Variants in SLC13A4 observed in about 807,000 individuals in gnomAD.
The protein encoded by SLC13A4 is solute carrier family 13 member 4.
Under a neutral mutation model 72.7 loss-of-function variants are expected in SLC13A4, and 28 were observed. The ratio of observed to expected loss-of-function variants is 0.39; its 90% confidence interval spans 0.29 to 0.53. The LOEUF is 0.53. Among genes scored for constraint, SLC13A4 ranks in the 20% least tolerant of loss-of-function variants. The pLI, the probability that SLC13A4 is intolerant of heterozygous loss-of-function variation, is 0.78. For synonymous variants in SLC13A4, 312 were observed against 325.5 expected (o/e 0.96, Z 0.45); for missense variants, 653 against 788.0 (o/e 0.83, Z 2.05).
intron 2 of SLC13A4, among the ~76,000 whole-genome samples, chr7:135,718,626 C>T (rs1360066085): frequency 6.6e-6 from 1 of 151,968 alleles, no homozygotes; most frequent in African/African-American, 2.4e-5. Flanking sequence ...ACACTTTCAG[C>T]CTTTGGTCAT....
rs750052396 is a variant in SLC13A4 at position 135,684,136 on chromosome 7, C to T, written c.1734G>A (p.Gln578=). 1.2e-6 allele frequency: 2 copies of T among 1,605,764 alleles called. No individual in the cohort carries two copies. Among genetic ancestry groups the T allele is most frequent in the Non-Finnish European group, 1.7e-6 (2 of 1,174,366 alleles). Residue 578 remains glutamine, a synonymous_variant, in exon 15 of 16, where the codon CAG becomes CAA. Transcript: ENST00000682651. ...CACCCCAACTCACCATATCTTTGATCTGGCAGTGCCCATAGCTGAAGACGA... is the reference window on the plus strand; with the variant it reads ...CACCCCAACTCACCATATCTTTGATTTGGCAGTGCCCATAGCTGAAGACGA... ...NAIVFSYGHC[Q]IKDMVKAGLG...
intron 13 of SLC13A4, among the ~76,000 whole-genome samples, chr7:135,689,519 C>A (rs1250187845): frequency 6.6e-6 from 1 of 152,138 alleles, no homozygotes; most frequent in African/African-American, 2.4e-5. Context: ...AGACTGACCA[C>A]CCCATAGACT....
rs760598563 is a variant in SLC13A4, at chr7:135,706,115, C to T, written c.538+13G>A. The T allele has an allele frequency of 6.4e-7, 1 of 1,565,476 alleles. No individual in the cohort carries two copies. The highest frequency in any genetic ancestry group is 2.3e-5 in the East Asian group (1 of 44,082). On this transcript the variant is annotated intron_variant, in intron 4 of 15. Coordinates refer to ENST00000682651, the MANE Select transcript of SLC13A4 (RefSeq NM_001318192.2). ...GGAGGAGCAAAGGAGAGATGAACTC[C>T]AGCAAACTGTACTGATGGGTTCGGC... is the stretch of plus-strand genomic sequence containing the variant.
intron 13 of SLC13A4, among the ~76,000 whole-genome samples, chr7:135,686,684 T>C (rs1563155205): frequency 6.6e-6 from 1 of 152,226 alleles, no homozygotes; most frequent in Non-Finnish European, 1.5e-5. Flanking sequence ...CCAGTGCTTT[T>C]TGAAGACACA....
intron 3 of SLC13A4, 133 bp from the exon 4 acceptor site, chr7:135,706,433 G>T: frequency 1.1e-6 from 1 of 878,792 alleles, no homozygotes; most frequent in East Asian, 2.7e-5. Flanking sequence ...TTGTCCTGCA[G>T]GGTGCCATTC....
At chr7:135,723,117 A>AT (rs1386216791) in intron 1 of SLC13A4, among the ~76,000 whole-genome samples, 1 of 152,146 alleles carries the variant, frequency 6.6e-6, no homozygotes, top group African/African-American at 2.4e-5. Context: ...GGGAGGTAAA[A>AT]TGATTCCTGG....
chr7:135,711,701 A>G (rs2129495027), intron 2 of SLC13A4, among the ~76,000 whole-genome samples: 1 of 151,940 alleles, frequency 6.6e-6, no homozygotes, highest in African/African-American at 2.4e-5. Context: ...CTCTAGGGGG[A>G]TTTTCTGGGT....
chr7:135,711,826 C>T (rs976129180), intron 2 of SLC13A4, among the ~76,000 whole-genome samples: 11 of 151,956 alleles, frequency 7.2e-5, no homozygotes, highest in Admixed American at 1.3e-4. Context: ...GGCGCAATCT[C>T]GGCTCACTAC....
chr7:135,704,025 A>G (rs1796103316), intron 5 of SLC13A4: 1 of 152,284 alleles, frequency 6.6e-6, no homozygotes, highest in Admixed American at 6.5e-5. Flanking sequence ...TCTAGGGACA[A>G]CTCAGGCTTT....
At chr7:135,714,993 T>G (rs1314059652) in intron 2 of SLC13A4, among the ~76,000 whole-genome samples, 1 of 102,696 alleles carries the variant, frequency 9.7e-6, no homozygotes, top group Non-Finnish European at 2.0e-5. Context: ...TGTATGTGTG[T>G]GTATATGTGA....
chr7:135,722,652 A>G (rs1796573489), intron 1 of SLC13A4, among the ~76,000 whole-genome samples: 1 of 152,120 alleles, frequency 6.6e-6, no homozygotes, highest in Non-Finnish European at 1.5e-5. Context: ...CCCCTGTTTT[A>G]GACTATTTGC....
intron 2 of SLC13A4, among the ~76,000 whole-genome samples, chr7:135,719,813 G>GTGTATGTGTGTA (rs1480328101): frequency 6.8e-5 from 10 of 146,536 alleles, no homozygotes; most frequent in African/African-American, 2.4e-4. Context: ...ATGTGTGTGT[G>GTGTATGTGTGTA]TGTGTGTGTG....
At chr7:135,701,244 G>GT (rs1156992150) in intron 7 of SLC13A4, among the ~76,000 whole-genome samples, 1 of 152,152 alleles carries the variant, frequency 6.6e-6, no homozygotes, top group Non-Finnish European at 1.5e-5. Flanking sequence ...ATCAACGGTC[G>GT]TAAGTGACAG....
Position 135,706,295 on chromosome 7 carries a change from A to G in SLC13A4, c.371T>C (p.Leu124Pro). ...CGTGGTACAGCACATGAAGCAGAGC[A>G]GCAGCCTGGAAGGCAGGGAGGGTTG... is the stretch of plus-strand genomic sequence containing the variant. ...LMAGAKPGML[L>P]LCFMCCTTLL... Residue 124 changes from leucine to proline, a missense_variant, in exon 4 of 16, where the codon CTG (leucine) becomes CCG (proline). Physicochemically the swap from Leu to Pro is moderately conservative, Grantham distance 98. Coordinates refer to ENST00000682651, the MANE Select transcript of SLC13A4 (RefSeq NM_001318192.2). 6.2e-7 allele frequency: 1 copy of G among 1,601,980 alleles called. No individual in the cohort carries two copies. The highest frequency in any genetic ancestry group is 8.5e-7 in the Non-Finnish European group (1 of 1,170,860).
At position 135,691,283 on chromosome 7, in the gene SLC13A4, G is replaced by T. The variant is rs745309857; in HGVS notation, c.1364C>A (p.Thr455Lys). The change falls in exon 13 of 16, where the codon ACG (threonine) becomes AAG (lysine). Residue 455 changes from threonine to lysine, a missense_variant. By Grantham distance (78) the Thr-to-Lys change is moderately conservative (BLOSUM62 -1). Transcript: ENST00000682651. ...CATGGTCTTCTGGAAGTCCTTCCAC[G>T]TGATGATGGGCTCGGTCCCCAGTGA... is the stretch of plus-strand genomic sequence containing the variant. ...EHSLGTEPII[T>K]WKDFQKTMPW... 4 of 1,613,762 alleles carry T rather than the reference G, an allele frequency of 2.5e-6. No individual in the cohort carries two copies. The highest frequency in any genetic ancestry group is 2.2e-5 in the South Asian group (2 of 91,008).
intron 4 of SLC13A4, 182 bp from the exon 5 acceptor site, chr7:135,705,832 A>G: frequency 1.6e-6 from 1 of 621,256 alleles, no homozygotes; most frequent in Non-Finnish European, 2.9e-6. Context: ...AGGGTTTTGC[A>G]GTGATCCTTG....
chr7:135,712,148 A>G (rs3112357), intron 2 of SLC13A4, among the ~76,000 whole-genome samples: 33,972 of 150,954 alleles, frequency 0.23, 4,191 homozygotes, highest in East Asian at 0.43. Context: ...TTTTATCTTC[A>G]TTTATAATCG....
At chr7:135,690,547 GTC>G (rs1183654215) in intron 13 of SLC13A4, among the ~76,000 whole-genome samples, 1 of 152,110 alleles carries the variant, frequency 6.6e-6, no homozygotes, top group Non-Finnish European at 1.5e-5. Flanking sequence ...TATTACCTAT[GTC>G]TATCTCCTGT....
Position 135,684,262 on chromosome 7 carries a change from C to G in SLC13A4, c.1609-1G>C, listed in dbSNP as rs1477925934. On this transcript the variant is annotated splice_acceptor_variant, in intron 14 of 15. Transcript: ENST00000682651. LOFTEE classifies it high-confidence loss of function. The stretch of plus-strand genomic sequence containing the variant: ...GGGGGTTAATGTGCAGCGTTTCAGA[C>G]TAGAAGAGAGAATTCACAGAAACAT... The G allele has an allele frequency of 1.3e-6, 2 of 1,592,444 alleles. No homozygotes were observed. The highest frequency in any genetic ancestry group is 1.7e-6 in the Non-Finnish European group (2 of 1,166,400).
Sources: gnomAD v4.1 joint callset for allele counts (sites outside exome capture counted in the v4.1 genomes callset) on GRCh38, gnomAD v4.1.1 for gene constraint, MANE v1.5 for transcripts, NCBI Gene and HGNC (gene_info 2026-07-23, HGNC 2026-07-21) for gene names.